The following TMEM245 variants were observed in gnomAD, a reference collection of about 807,000 sequenced individuals.
TMEM245 encodes the protein transmembrane protein 245, also known as protein CG-2.
TMEM245 carries 69 observed loss-of-function variants against 101.2 expected under a neutral mutation model. That is an observed-to-expected ratio of 0.68 (90% CI 0.56 to 0.83). The LOEUF (loss-of-function observed/expected upper bound fraction) is 0.83. Among genes scored for constraint, TMEM245 ranks in the 40% least tolerant of loss-of-function variants. The pLI is 0.00. For missense variants in TMEM245, 1,075 were observed against 1,092.8 expected, an observed-to-expected ratio of 0.98 and a Z score of 0.23; for synonymous variants, 537 against 449.8, an observed-to-expected ratio of 1.19 and a Z score of -2.45.
At chr9:109,119,205 G>A in intron 1 of TMEM245, 130 bp downstream of exon 1, 1 of 848,934 alleles carries the variant, frequency 1.2e-6, no homozygotes, top group Non-Finnish European at 1.7e-6. Context: ...AAGGAAAGCG[G>A]AGACGGACGG....
In TMEM245 at chr9:109,038,021, T is replaced by A. The variant is rs1347616256; in HGVS notation, c.2220A>T (p.Pro740=). ...TMFGINIVFI[P]SALAAILGAV... is the part of the protein sequence containing the mutation. ...AAGGTACAATATGGTTGTTACCTGA[T>A]GGTATGAAGACAATATTGATGCCAA... The change falls in exon 15 of 18, where the codon CCA becomes CCT. Residue 740 remains proline, a synonymous_variant. Transcript: ENST00000374586. The A allele has an allele frequency of 6.2e-7, 1 of 1,608,064 alleles. No homozygotes were observed. Among genetic ancestry groups the A allele is most frequent in the Non-Finnish European group, 8.5e-7 (1 of 1,176,910 alleles).
intron 1 of TMEM245, among the ~76,000 whole-genome samples, chr9:109,115,640 C>T (rs1461473540): frequency 6.7e-6 from 1 of 148,680 alleles, no homozygotes; most frequent in Non-Finnish European, 1.5e-5. Context: ...AAGCAATTCT[C>T]CTGCCTCAGC....
intron 14 of TMEM245, 99 bp downstream of exon 14, chr9:109,050,184 T>A (rs770949273): frequency 7.2e-6 from 10 of 1,381,672 alleles, no homozygotes; most frequent in Non-Finnish European, 1.0e-5. Context: ...CATCACGAGT[T>A]TAGCACTGAA....
intron 1 of TMEM245, among the ~76,000 whole-genome samples, chr9:109,118,060 A>G (rs1292047649): frequency 6.6e-6 from 1 of 152,254 alleles, no homozygotes; most frequent in Non-Finnish European, 1.5e-5. Context: ...TGAGTCATGA[A>G]CATTTATCTG....
intron 15 of TMEM245, 44 bp downstream of exon 15, chr9:109,037,972 CT>C: frequency 6.8e-7 from 1 of 1,466,786 alleles, no homozygotes; most frequent in Non-Finnish European, 9.2e-7. Context: ...AATGGCTTAA[CT>C]TTCCTTAAAT....
intron 2 of TMEM245, 21 bp downstream of exon 2, chr9:109,108,432 A>C: frequency 7.1e-7 from 1 of 1,401,250 alleles, no homozygotes. Context: ...AAAAAAAAAA[A>C]AAAAAAAAGA....
intron 14 of TMEM245, among the ~76,000 whole-genome samples, chr9:109,048,423 A>G (rs1296877375): frequency 6.6e-6 from 1 of 152,116 alleles, no homozygotes; most frequent in Middle Eastern, 3.2e-3. Context: ...AATCAGGTGC[A>G]ATTATCAGAG....
intron 5 of TMEM245, among the ~76,000 whole-genome samples, chr9:109,090,708 C>T (rs953135323): frequency 3.6e-5 from 5 of 139,738 alleles, no homozygotes; most frequent in Middle Eastern, 3.6e-3. Flanking sequence ...CTGGGCAAGA[C>T]TCCGTCTCAA....
intron 14 of TMEM245, chr9:109,038,380 G>GA: frequency 3.7e-6 from 1 of 272,144 alleles, no homozygotes; most frequent in Non-Finnish European, 6.8e-6. Flanking sequence ...AAAAATAACT[G>GA]AAACACCTTA....
intron 1 of TMEM245, among the ~76,000 whole-genome samples, chr9:109,109,693 T>A (rs1830518897): frequency 6.6e-6 from 1 of 152,136 alleles, no homozygotes; most frequent in African/African-American, 2.4e-5. Flanking sequence ...AAGAAGCTCA[T>A]CAGAGTATGA....
chr9:109,066,315 C>A (rs117883512), intron 9 of TMEM245, among the ~76,000 whole-genome samples: 2,727 of 151,976 alleles, frequency 0.018, 44 homozygotes, highest in Middle Eastern at 0.037. Flanking sequence ...ATTAGCTGGG[C>A]ATGGTTGCAC....
At chr9:109,090,553 T>A (rs879881905) in intron 5 of TMEM245, among the ~76,000 whole-genome samples, 9 of 151,548 alleles carry the variant, frequency 5.9e-5, no homozygotes, top group Non-Finnish European at 1.3e-4. Context: ...AAACGCTGTC[T>A]CTACTAAAAA....
intron 5 of TMEM245, among the ~76,000 whole-genome samples, chr9:109,089,045 G>T (rs780522820): frequency 5.2e-4 from 79 of 152,114 alleles, no homozygotes; most frequent in Non-Finnish European, 9.6e-4. Flanking sequence ...GGAAGCCAAG[G>T]TGTGAGGTTT....
chr9:109,081,075 A>G (rs558928904), intron 7 of TMEM245, 132 bp from the exon 8 acceptor site: 58 of 619,608 alleles, frequency 9.4e-5, no homozygotes, highest in East Asian at 8.9e-4. Flanking sequence ...AATTAAAGCA[A>G]TAAAAGCTTT....
At chr9:109,118,568 G>C (rs987602686) in intron 1 of TMEM245, among the ~76,000 whole-genome samples, 1 of 152,220 alleles carries the variant, frequency 6.6e-6, no homozygotes, top group Non-Finnish European at 1.5e-5. Context: ...GGTTTTGTAA[G>C]AGTAAGCTCA....
chr9:109,024,700 G>A (rs1412184806), intron 17 of TMEM245, among the ~76,000 whole-genome samples: 1 of 152,146 alleles, frequency 6.6e-6, no homozygotes. Flanking sequence ...TTACAGAGGG[G>A]ACAACACTGC....
At chr9:109,027,874 GT>G (rs1477921892) in intron 17 of TMEM245, among the ~76,000 whole-genome samples, 1 of 151,868 alleles carries the variant, frequency 6.6e-6, no homozygotes, top group African/African-American at 2.4e-5. Context: ...TAGAGACAGT[GT>G]TTTACCATGT....
intron 9 of TMEM245, among the ~76,000 whole-genome samples, chr9:109,069,621 G>C (rs140578185): frequency 2.0e-3 from 301 of 152,082 alleles, no homozygotes; most frequent in Middle Eastern, 0.01. Context: ...TGTTCCATTC[G>C]TGCCATGGAT....
At chr9:109,053,428 G>C (rs1828744137) in intron 12 of TMEM245, among the ~76,000 whole-genome samples, 2 of 151,998 alleles carry the variant, frequency 1.3e-5, no homozygotes, top group African/African-American at 4.8e-5. Flanking sequence ...CTCTCTCTCT[G>C]AGGGGGAAAA....
Sources: allele counts gnomAD v4.1 joint callset (sites outside exome capture counted in the v4.1 genomes callset), GRCh38; gene constraint gnomAD v4.1.1; transcripts MANE v1.5; gene names NCBI Gene and HGNC (gene_info 2026-07-23, HGNC 2026-07-21).